DOK7: variants seen among roughly 807,000 people sequenced by gnomAD.
DOK7 encodes protein Dok-7.
Under a neutral mutation model 30.7 loss-of-function variants are expected in DOK7, and 32 were observed. That is an observed-to-expected ratio of 1.04 (90% CI 0.79 to 1.40). The LOEUF is 1.40. Among genes scored for constraint, DOK7 ranks in the 40% most tolerant of loss-of-function variants. The pLI, the probability that DOK7 is intolerant of heterozygous loss-of-function variation, is 0.00. For synonymous variants in DOK7, 447 were observed against 324.1 expected, an observed-to-expected ratio of 1.38 and a Z score of -4.07; for missense variants, 1,007 against 699.2, an observed-to-expected ratio of 1.44 and a Z score of -4.97.
chr4:3,469,255 C>A (rs1726604754), intron 2 of DOK7, among the ~76,000 whole-genome samples: 2 of 152,066 alleles, frequency 1.3e-5, no homozygotes, highest in Admixed American at 1.3e-4. Context: ...CACATGGTCT[C>A]TGTGCCTTGG....
chr4:3,488,736 C>G (rs760819786), intron 5 of DOK7, among the ~76,000 whole-genome samples: 3 of 150,586 alleles, frequency 2.0e-5, no homozygotes, highest in Non-Finnish European at 1.5e-5. Context: ...TCTGGAGGCC[C>G]AGAGGAGGCC....
chr4:3,494,619 T>G (rs2081978824), downstream of DOK7: 1 of 807,712 alleles, frequency 1.2e-6, no homozygotes, highest in African/African-American at 1.9e-5. Context: ...GCCTCATCTG[T>G]CTTGTGAGCC....
chr4:3,474,557 C>A (rs1210414821), intron 3 of DOK7, among the ~76,000 whole-genome samples: 3 of 152,180 alleles, frequency 2.0e-5, no homozygotes, highest in African/African-American at 7.2e-5. Flanking sequence ...TGCAGTGGCT[C>A]ATGCCTGTAA....
intron 4 of DOK7, among the ~76,000 whole-genome samples, chr4:3,480,639 A>G (rs1043770404): frequency 1.3e-5 from 2 of 152,180 alleles, no homozygotes; most frequent in African/African-American, 4.8e-5. Flanking sequence ...GAAAACCTGA[A>G]CTAGGAGGCT....
intron 2 of DOK7, among the ~76,000 whole-genome samples, chr4:3,464,859 G>A (rs1726184112): frequency 6.6e-6 from 1 of 152,212 alleles, no homozygotes; most frequent in Non-Finnish European, 1.5e-5. Context: ...GAGTGCCTGA[G>A]TGGAGTGACA....
chr4:3,463,575 G>A, intron 2 of DOK7, 24 bp downstream of exon 2: 2 of 1,520,738 alleles, frequency 1.3e-6, no homozygotes, highest in South Asian at 1.2e-5. Context: ...GCGGGGGACG[G>A]GGGGCGCGGG....
chr4:3,481,055 A>C (rs1386752642), intron 4 of DOK7, among the ~76,000 whole-genome samples: 1 of 151,876 alleles, frequency 6.6e-6, no homozygotes, highest in Non-Finnish European at 1.5e-5. Context: ...TTTGAGCACG[A>C]ATGGGTGTCC....
chr4:3,489,993 CTG>C (rs1728100757), intron 6 of DOK7, among the ~76,000 whole-genome samples, 197 bp downstream of exon 6: 1 of 140,788 alleles, frequency 7.1e-6, no homozygotes, highest in African/African-American at 3.1e-5. Flanking sequence ...CCCCACCACC[CTG>C]CTCATTCCTT....
chr4:3,479,488 C>A (rs1354531180), intron 4 of DOK7, among the ~76,000 whole-genome samples: 2 of 152,260 alleles, frequency 1.3e-5, no homozygotes, highest in African/African-American at 4.8e-5. Flanking sequence ...CACAGCTGGG[C>A]TGGAGTCGTG....
downstream of DOK7, among the ~76,000 whole-genome samples, chr4:3,498,603 G>T (rs1729038889): frequency 1.3e-5 from 2 of 152,062 alleles, no homozygotes; most frequent in Non-Finnish European, 2.9e-5. Context: ...CTCTCCCCAG[G>T]CCCTCACCCC....
intron 6 of DOK7, among the ~76,000 whole-genome samples, chr4:3,490,641 G>GTTCATTCCTTCTCCCCCTGCTCATTTC (rs1728286251): frequency 5.5e-5 from 1 of 18,050 alleles, no homozygotes; most frequent in Non-Finnish European, 8.6e-5. Context: ...CCGCCTGCTC[G>GTTCATTCCTTCTCCCCCTGCTCATTTC]TTCATTTCCC....
chr4:3,493,395 C>G lies in DOK7; in HGVS notation c.1409C>G (p.Ala470Gly). ...QGSEATLPGP[A>G]PGEPWEAGGP... is the part of the protein sequence containing the mutation. ...AGCGAGGCCACACTGCCTGGCCCTG[C>G]CCCTGGCGAGCCCTGGGAAGCAGGC... is the stretch of plus-strand genomic sequence containing the variant. The change falls in exon 7 of 7, where the codon GCC becomes GGC. Residue 470 changes from alanine to glycine, a missense_variant. Coordinates refer to ENST00000340083, the MANE Select transcript of DOK7 (RefSeq NM_173660.5). 6.3e-7 allele frequency: 1 copy of G among 1,594,360 alleles called. No individual in the cohort carries two copies. The highest frequency in any genetic ancestry group is 8.5e-7 in the Non-Finnish European group (1 of 1,170,590).
intron 5 of DOK7, among the ~76,000 whole-genome samples, chr4:3,487,761 C>T (rs1463342400): frequency 2.0e-5 from 3 of 152,332 alleles, no homozygotes; most frequent in Non-Finnish European, 4.4e-5. Flanking sequence ...AGGTTGTGTC[C>T]TGCATCCTGA....
intron 6 of DOK7, 23 bp downstream of exon 6, chr4:3,489,819 G>C: frequency 6.4e-7 from 1 of 1,564,184 alleles, no homozygotes; most frequent in Non-Finnish European, 8.7e-7. Flanking sequence ...GCTGACCTGG[G>C]CTGTGGGACC....
chr4:3,464,495 G>A (rs571304842), intron 2 of DOK7, among the ~76,000 whole-genome samples: 9 of 152,322 alleles, frequency 5.9e-5, no homozygotes, highest in Admixed American at 4.6e-4. Flanking sequence ...CACCGACAGA[G>A]CCTGGGAGGG....
Position 3,489,799 on chromosome 4 carries a change from A to G in DOK7, c.772+3A>G, listed in dbSNP as rs943999490. On this transcript the variant is annotated splice_donor_region_variant and intron_variant, in intron 6 of 6. Transcript: ENST00000340083. ...TGCGGGCAGGCCGGGCAGTGGAGGT[A>G]GGGCCGGGGGCTGACCTGGGCTGTG... 1 of 1,571,580 alleles carries G rather than the reference A, an allele frequency of 6.4e-7. No individual in the cohort carries two copies. The highest frequency in any genetic ancestry group is 8.6e-7 in the Non-Finnish European group (1 of 1,158,070).
At chr4:3,467,838 G>A (rs1422460724) in intron 2 of DOK7, among the ~76,000 whole-genome samples, 1 of 152,128 alleles carries the variant, frequency 6.6e-6, no homozygotes. Context: ...GTCTCGTGAG[G>A]ACCATGTCCT....
intron 6 of DOK7, among the ~76,000 whole-genome samples, chr4:3,490,088 T>TCATTCATTCCTTTCTTCTCCCC (rs1728124730): frequency 6.7e-5 from 2 of 30,068 alleles, no homozygotes; most frequent in African/African-American, 2.0e-4. Flanking sequence ...CTTCACCCCC[T>TCATTCATTCCTTTCTTCTCCCC]CATTCATTCC....
chr4:3,495,568 G>C (rs915330440), downstream of DOK7, among the ~76,000 whole-genome samples: 2 of 152,216 alleles, frequency 1.3e-5, no homozygotes, highest in Non-Finnish European at 2.9e-5. Flanking sequence ...TGAAGGTTCC[G>C]GCCACCGCCT....
Sources: gnomAD v4.1 joint callset for allele counts (sites outside exome capture counted in the v4.1 genomes callset) on GRCh38, gnomAD v4.1.1 for gene constraint, MANE v1.5 for transcripts, NCBI Gene and HGNC (gene_info 2026-07-23, HGNC 2026-07-21) for gene names.